ANO3: variants seen among roughly 807,000 people sequenced by gnomAD.
The protein encoded by ANO3 is anoctamin 3, also known as anoctamin-3.
ANO3 carries 99 observed loss-of-function variants against 144.8 expected under a neutral mutation model. The observed-to-expected ratio is 0.68, with a 90% CI of 0.58 to 0.81. The LOEUF (loss-of-function observed/expected upper bound fraction) is 0.81. Ranked by LOEUF, ANO3 falls within the 30% of genes least tolerant of loss-of-function variation. The pLI is 0.00. For synonymous variants in ANO3, 414 were observed against 392.6 expected, an observed-to-expected ratio of 1.05 and a Z score of -0.64; for missense variants, 905 against 1,202.2, an observed-to-expected ratio of 0.75 and a Z score of 3.66.
At chr11:26,598,798 G>A in intron 15 of ANO3, 60 bp from the exon 16 acceptor site, 2 of 1,544,204 alleles carry the variant, frequency 1.3e-6, no homozygotes, top group East Asian at 2.3e-5. Context: ...ATCAATTCTT[G>A]GGGGTATGTT....
chr11:26,339,881 T>C (rs1855308227), intron 1 of ANO3, among the ~76,000 whole-genome samples: 1 of 152,160 alleles, frequency 6.6e-6, no homozygotes, highest in African/African-American at 2.4e-5. Context: ...CAAGTAGCAA[T>C]TACTTTAAAT....
intron 24 of ANO3, among the ~76,000 whole-genome samples, chr11:26,649,956 T>G (rs1373444757): frequency 6.6e-6 from 1 of 152,186 alleles, no homozygotes; most frequent in Non-Finnish European, 1.5e-5. Flanking sequence ...TATTTGCCAG[T>G]GTCTTCACTG....
intron 1 of ANO3, among the ~76,000 whole-genome samples, chr11:26,441,211 G>A (rs963406829): frequency 1.5e-5 from 2 of 135,818 alleles, no homozygotes. Context: ...TCCGCCTCCC[G>A]GGTTCACGCC....
intron 1 of ANO3, among the ~76,000 whole-genome samples, chr11:26,376,888 C>G (rs1856427357): frequency 6.6e-6 from 1 of 151,962 alleles, no homozygotes; most frequent in South Asian, 2.1e-4. Context: ...CTTATAGGAG[C>G]CATGCAAAGC....
intron 1 of ANO3, among the ~76,000 whole-genome samples, chr11:26,356,234 A>G (rs1855780310): frequency 6.6e-6 from 1 of 152,166 alleles, no homozygotes; most frequent in Non-Finnish European, 1.5e-5. Context: ...ATATGTAAGT[A>G]ATTTAGATTA....
At chr11:26,435,913 A>G (rs1230892925) in intron 1 of ANO3, among the ~76,000 whole-genome samples, 1 of 152,200 alleles carries the variant, frequency 6.6e-6, no homozygotes, top group Non-Finnish European at 1.5e-5. Flanking sequence ...CAACCTGGTT[A>G]ACAACCCTTG....
At chr11:26,465,177 A>T (rs1859556690) in intron 4 of ANO3, among the ~76,000 whole-genome samples, 1 of 149,136 alleles carries the variant, frequency 6.7e-6, no homozygotes, top group African/African-American at 2.5e-5. Flanking sequence ...TGTGAATTAA[A>T]GCATATATAT....
chr11:26,291,224 T>A lies in ANO3; in HGVS notation c.155-18421T>A, dbSNP rs985479590. 3.3e-5 allele frequency among the ~76,000 whole-genome samples: 5 copies of A among 152,334 alleles called. No homozygotes were observed. The East Asian group carries it at 5.8e-4, about 18-fold the overall frequency. ...AAGCCTGTTTTATCAGAGACTAGGA[T>A]TGCAACCCTTGCTTTTTTTTGTTTT... On this transcript the variant is annotated intron_variant, in intron 1 of 27. Transcript: ENST00000672621.
chr11:26,440,666 G>A (rs1030329200), intron 1 of ANO3, among the ~76,000 whole-genome samples: 7 of 152,130 alleles, frequency 4.6e-5, no homozygotes, highest in Non-Finnish European at 8.8e-5. Flanking sequence ...CACTGGAGGC[G>A]GCTGCAAGAG....
intron 10 of ANO3, among the ~76,000 whole-genome samples, chr11:26,538,877 T>A (rs1849575655): frequency 6.6e-6 from 1 of 152,126 alleles, no homozygotes; most frequent in Non-Finnish European, 1.5e-5. Flanking sequence ...ATGCTGCTAC[T>A]TGAGGTAAGA....
rs76787131 is a variant in ANO3, at chr11:26,469,760, G to A, written c.432+6612G>A. 6.1e-4 allele frequency among the ~76,000 whole-genome samples: 92 copies of A among 151,982 alleles called. 1 individual carries two copies. In the East Asian group the frequency reaches 0.015, roughly 25 times the overall value. ...ACTGGAAAATATATATATGCCAGAAGAATGGCTAATATTCTTAATTCACAC... is the reference window on the plus strand; with the variant it reads ...ACTGGAAAATATATATATGCCAGAAAAATGGCTAATATTCTTAATTCACAC... On this transcript the variant is annotated intron_variant, in intron 4 of 26. Transcript: ENST00000256737.
intron 1 of ANO3, among the ~76,000 whole-genome samples, chr11:26,303,793 C>T (rs1854293116): frequency 6.6e-6 from 1 of 152,166 alleles, no homozygotes. Flanking sequence ...GATCTCGGCT[C>T]ACTGCAAACT....
intron 5 of ANO3, among the ~76,000 whole-genome samples, chr11:26,515,058 G>A (rs1016819611): frequency 4.6e-5 from 7 of 152,008 alleles, no homozygotes; most frequent in African/African-American, 1.2e-4. Flanking sequence ...TAGATAATAT[G>A]TGTAACCTTG....
chr11:26,435,807 T>C (rs907803023), intron 1 of ANO3, among the ~76,000 whole-genome samples: 7 of 152,240 alleles, frequency 4.6e-5, no homozygotes, highest in Non-Finnish European at 1.0e-4. Flanking sequence ...ATTATGATTC[T>C]TAGTTTCCTG....
At chr11:26,301,582 C>T (rs1369384686) in intron 1 of ANO3, among the ~76,000 whole-genome samples, 1 of 152,060 alleles carries the variant, frequency 6.6e-6, no homozygotes, top group Non-Finnish European at 1.5e-5. Flanking sequence ...AGTATTTCTT[C>T]CACTTCTGTC....
intron 9 of ANO3, among the ~76,000 whole-genome samples, chr11:26,536,286 T>A (rs1590481983): frequency 6.8e-6 from 1 of 147,708 alleles, no homozygotes; most frequent in African/African-American, 2.5e-5. Flanking sequence ...GCCACTGCAC[T>A]CCAGCCTGGG....
chr11:26,599,020 C>G (rs1450582657), intron 16 of ANO3, 22 bp downstream of exon 16: 3 of 1,608,548 alleles, frequency 1.9e-6, no homozygotes, highest in Non-Finnish European at 1.7e-6. Flanking sequence ...GCATCGATAT[C>G]AAAATGTTTT....
intron 1 of ANO3, among the ~76,000 whole-genome samples, chr11:26,436,614 G>A (rs535415011): frequency 2.6e-5 from 4 of 152,156 alleles, no homozygotes; most frequent in South Asian, 2.1e-4. Flanking sequence ...TTGGTCAGGA[G>A]GTCCTACCCA....
At chr11:26,554,710 T>C (rs368837) in intron 13 of ANO3, among the ~76,000 whole-genome samples, 148,948 of 152,166 alleles carry the variant, frequency 0.98, 72,981 homozygotes, top group East Asian at 1. Context: ...TCTCAAGTGG[T>C]GCTTTCCTTG....
Sources: gnomAD v4.1 joint callset for allele counts (sites outside exome capture counted in the v4.1 genomes callset) on GRCh38, gnomAD v4.1.1 for gene constraint, MANE v1.5 for transcripts, NCBI Gene and HGNC (gene_info 2026-07-23, HGNC 2026-07-21) for gene names.